The following PLXNA4 variants were observed in gnomAD, a reference collection of about 807,000 sequenced individuals.
PLXNA4 encodes the protein plexin-A4.
In PLXNA4, 44 loss-of-function variants were observed where a neutral mutation model predicts 191.8. The ratio of observed to expected loss-of-function variants is 0.23; its 90% CI spans 0.18 to 0.29. The LOEUF (loss-of-function observed/expected upper bound fraction) is 0.29, where lower values mean the gene tolerates loss of function less well. Among genes scored for constraint, PLXNA4 ranks in the 10% least tolerant of loss-of-function variants. PLXNA4 has a pLI of 1.00. For synonymous variants in PLXNA4, 1,082 were observed against 1,009.5 expected, an observed-to-expected ratio of 1.07 and a Z score of -1.36; for missense variants, 1,800 against 2,488.8, an observed-to-expected ratio of 0.72 and a Z score of 5.89.
At chr7:132,327,128 G>A in intron 3 of PLXNA4, among the ~76,000 whole-genome samples, 1 of 105,144 alleles carries the variant, frequency 9.5e-6, no homozygotes. Flanking sequence ...AGGAAAAGGA[G>A]AGAGTGAGAG....
intron 25 of PLXNA4, among the ~76,000 whole-genome samples, chr7:132,156,399 A>G (rs1298367218): frequency 6.6e-6 from 1 of 152,144 alleles, no homozygotes. Context: ...GACAGGCAGG[A>G]GCCAAAAGCC....
At chr7:132,267,221 G>C (rs1799891405) in intron 4 of PLXNA4, among the ~76,000 whole-genome samples, 1 of 152,218 alleles carries the variant, frequency 6.6e-6, no homozygotes, top group Admixed American at 6.5e-5. Context: ...TTGGGAAGTG[G>C]AGTTGTTATG....
At chr7:132,229,047 T>C (rs1402317594) in intron 5 of PLXNA4, among the ~76,000 whole-genome samples, 2 of 152,170 alleles carry the variant, frequency 1.3e-5, no homozygotes, top group Non-Finnish European at 1.5e-5. Context: ...TGGAATTTCT[T>C]AGATTGTATG....
intron 3 of PLXNA4, among the ~76,000 whole-genome samples, chr7:132,386,187 A>C (rs1264331978): frequency 1.3e-5 from 2 of 152,154 alleles, no homozygotes; most frequent in Non-Finnish European, 2.9e-5. Context: ...TGGAAGAAAA[A>C]GAATGAGTTT....
chr7:132,437,260 G>A (rs1795506479), intron 3 of PLXNA4, among the ~76,000 whole-genome samples: 1 of 152,180 alleles, frequency 6.6e-6, no homozygotes, highest in Non-Finnish European at 1.5e-5. Context: ...TCAGAACATG[G>A]CGCATAGGAA....
intron 4 of PLXNA4, among the ~76,000 whole-genome samples, chr7:132,296,035 A>G (rs2116489006): frequency 6.6e-6 from 1 of 152,316 alleles, no homozygotes; most frequent in Middle Eastern, 3.4e-3. Context: ...TGTGGACTTA[A>G]TCATTGCACT....
At chr7:132,636,606 C>A (rs1738939325) in intron 2 of PLXNA4, among the ~76,000 whole-genome samples, 1 of 152,200 alleles carries the variant, frequency 6.6e-6, no homozygotes, top group Non-Finnish European at 1.5e-5. Flanking sequence ...GAGTAGCAGC[C>A]AGTCACCTGC....
At chr7:132,371,369 C>A (rs1367582695) in intron 3 of PLXNA4, among the ~76,000 whole-genome samples, 1 of 152,198 alleles carries the variant, frequency 6.6e-6, no homozygotes, top group Non-Finnish European at 1.5e-5. Flanking sequence ...GCCCACCATC[C>A]TCAGCTACCT....
intron 2 of PLXNA4, among the ~76,000 whole-genome samples, chr7:132,605,244 G>A (rs544431235): frequency 6.6e-6 from 1 of 152,206 alleles, no homozygotes; most frequent in African/African-American, 2.4e-5. Flanking sequence ...TCCATGCGGC[G>A]GTGTGCCAAG....
chr7:132,157,807 G>T (rs983922679), intron 25 of PLXNA4, among the ~76,000 whole-genome samples: 2 of 152,212 alleles, frequency 1.3e-5, no homozygotes, highest in Non-Finnish European at 2.9e-5. Flanking sequence ...AACCCATTAA[G>T]GAGTATTCCA....
intron 3 of PLXNA4, among the ~76,000 whole-genome samples, chr7:132,343,285 C>T (rs1803110836): frequency 6.6e-6 from 1 of 152,142 alleles, no homozygotes; most frequent in Admixed American, 6.5e-5. Flanking sequence ...AAATGTGTGG[C>T]CGAGCAGTGT....
At chr7:132,347,075 A>G (rs1210814085) in intron 3 of PLXNA4, among the ~76,000 whole-genome samples, 1 of 152,114 alleles carries the variant, frequency 6.6e-6, no homozygotes, top group African/African-American at 2.4e-5. Context: ...TCTGATTGCC[A>G]CTTGAGATAA....
chr7:132,386,050 T>C (rs1805123767), intron 3 of PLXNA4, among the ~76,000 whole-genome samples: 1 of 152,202 alleles, frequency 6.6e-6, no homozygotes, highest in Admixed American at 6.5e-5. Context: ...GGCATGATGT[T>C]CCATAGAGCA....
chr7:132,588,704 G>C (rs1336774328), intron 2 of PLXNA4, among the ~76,000 whole-genome samples: 1 of 130,620 alleles, frequency 7.7e-6, no homozygotes, highest in Non-Finnish European at 1.6e-5. Flanking sequence ...GGGAGGGAGG[G>C]GAGAGGAAGA....
chr7:132,153,247 G>A (rs1170545382), intron 25 of PLXNA4, among the ~76,000 whole-genome samples: 1 of 152,192 alleles, frequency 6.6e-6, no homozygotes, highest in Non-Finnish European at 1.5e-5. Context: ...AGGGATCGAT[G>A]AGTCTGAGCA....
intron 1 of PLXNA4, among the ~76,000 whole-genome samples, chr7:132,536,453 C>G (rs1799836150): frequency 6.6e-6 from 1 of 152,208 alleles, no homozygotes; most frequent in South Asian, 2.1e-4. Flanking sequence ...GAGGTCTCAA[C>G]AAATAGAACG....
chr7:132,176,085 GC>G (rs1796446501), intron 20 of PLXNA4, among the ~76,000 whole-genome samples: 1 of 152,144 alleles, frequency 6.6e-6, no homozygotes, highest in South Asian at 2.1e-4. Flanking sequence ...TCCTGCCCTT[GC>G]CCATGAGTTG....
intron 3 of PLXNA4, among the ~76,000 whole-genome samples, chr7:132,397,304 A>G (rs1793807333): frequency 6.6e-6 from 1 of 152,198 alleles, no homozygotes; most frequent in African/African-American, 2.4e-5. Context: ...AAAAAGCACC[A>G]CCGTCACTCG....
intron 4 of PLXNA4, among the ~76,000 whole-genome samples, chr7:132,254,397 T>C (rs1039098016): frequency 1.3e-5 from 2 of 152,172 alleles, no homozygotes; most frequent in African/African-American, 4.8e-5. Flanking sequence ...GAGTAAAGGG[T>C]TGTGTGCACA....
Sources: gnomAD v4.1 joint callset for allele counts (sites outside exome capture counted in the v4.1 genomes callset) on GRCh38, gnomAD v4.1.1 for gene constraint, MANE v1.5 for transcripts, NCBI Gene and HGNC (gene_info 2026-07-23, HGNC 2026-07-21) for gene names.